Variants in FRMPD2 observed in about 807,000 individuals in gnomAD.
The protein encoded by FRMPD2 is FERM and PDZ domain-containing protein 2.
Under a neutral mutation model 140.1 loss-of-function variants are expected in FRMPD2, and 96 were observed. That is an observed-to-expected ratio of 0.69 (90% CI 0.58 to 0.81). The LOEUF (loss-of-function observed/expected upper bound fraction) is 0.81. FRMPD2 is among the 40% of genes least tolerant of loss of function. The probability of loss-of-function intolerance (pLI) is 0.00; values close to 1 mark genes in which losing one functional copy is unlikely to be tolerated. For missense variants in FRMPD2, 1,240 were observed against 1,447.4 expected (o/e 0.86, Z 2.32); for synonymous variants, 449 against 547.6 (o/e 0.82, Z 2.52).
At chr10:48,266,790 C>A (rs899429187) in intron 1 of FRMPD2, among the ~76,000 whole-genome samples, 12 of 152,248 alleles carry the variant, frequency 7.9e-5, no homozygotes, top group African/African-American at 2.9e-4. Flanking sequence ...TAACAAGATG[C>A]CCCTTGGCCT....
chr10:48,259,681 T>C (rs1199117818), intron 1 of FRMPD2, among the ~76,000 whole-genome samples: 3 of 151,960 alleles, frequency 2.0e-5, no homozygotes, highest in African/African-American at 7.3e-5. Flanking sequence ...TACACATTTT[T>C]TTTTTAATCT....
intron 12 of FRMPD2, among the ~76,000 whole-genome samples, chr10:48,215,610 A>G (rs1839427609): frequency 6.6e-6 from 1 of 152,200 alleles, no homozygotes; most frequent in African/African-American, 2.4e-5. Context: ...TGGCCTTTAC[A>G]TACGTGAGAA....
At chr10:48,221,062 C>T (rs1839574964) in intron 12 of FRMPD2, among the ~76,000 whole-genome samples, 1 of 152,162 alleles carries the variant, frequency 6.6e-6, no homozygotes, top group African/African-American at 2.4e-5. Flanking sequence ...GTAGAACTAC[C>T]ATTTGAACTA....
chr10:48,162,981 G>A (rs1837984093), intron 28 of FRMPD2, among the ~76,000 whole-genome samples: 4 of 144,176 alleles, frequency 2.8e-5, no homozygotes, highest in Admixed American at 1.4e-4. Flanking sequence ...CAATAGAAAC[G>A]AGGATGCATG....
chr10:48,247,827 T>G (rs1270049728), intron 3 of FRMPD2, among the ~76,000 whole-genome samples: 1 of 152,124 alleles, frequency 6.6e-6, no homozygotes, highest in Non-Finnish European at 1.5e-5. Context: ...CAAACAGACC[T>G]GAGAGGCACG....
intron 1 of FRMPD2, among the ~76,000 whole-genome samples, chr10:48,258,982 AAGTCTATTTCT>A (rs1840533412): frequency 6.6e-6 from 1 of 152,202 alleles, no homozygotes; most frequent in Admixed American, 6.5e-5. Context: ...GAAACATGTA[AAGTCTATTTCT>A]GAGCAGACTG....
At chr10:48,223,356 AGT>A in intron 10 of FRMPD2, 86 bp from the exon 11 acceptor site, 1 of 1,346,738 alleles carries the variant, frequency 7.4e-7, no homozygotes, top group Non-Finnish European at 1.0e-6. Flanking sequence ...CCCTACCCAG[AGT>A]GTCACACACG....
chr10:48,195,505 T>C lies in FRMPD2; in HGVS notation c.1955-2611A>G, dbSNP rs1228285243. Among the ~76,000 whole-genome samples the C allele has an allele frequency of 2.6e-5, 4 of 152,278 alleles. No individual in the cohort carries two copies. The South Asian group carries it at 6.2e-4, about 24-fold the overall frequency. The stretch of plus-strand genomic sequence containing the variant: ...AAATGAACAAAGATAAACACGATGA[T>C]ATTTATTCCAACAAGGATGCAACAA... On this transcript the variant is annotated intron_variant, in intron 15 of 28. Transcript: ENST00000374201.
intron 28 of FRMPD2, among the ~76,000 whole-genome samples, chr10:48,160,371 C>G (rs1837903533): frequency 6.6e-6 from 1 of 151,422 alleles, no homozygotes; most frequent in South Asian, 2.1e-4. Context: ...GAAGTTGCCA[C>G]CTGGCAGATG....
chr10:48,180,345 C>G (rs1838513355), intron 21 of FRMPD2, among the ~76,000 whole-genome samples: 1 of 152,096 alleles, frequency 6.6e-6, no homozygotes, highest in Non-Finnish European at 1.5e-5. Flanking sequence ...AAGCACACAG[C>G]CCTCCATACA....
chr10:48,178,264 T>C, intron 21 of FRMPD2, 113 bp from the exon 22 acceptor site: 1 of 755,976 alleles, frequency 1.3e-6, no homozygotes, highest in South Asian at 1.6e-5. Flanking sequence ...TCATGAGCTT[T>C]GGATTGGGCC....
intron 1 of FRMPD2, among the ~76,000 whole-genome samples, chr10:48,252,328 A>T (rs1340485632): frequency 1.3e-5 from 2 of 152,146 alleles, no homozygotes; most frequent in African/African-American, 4.8e-5. Context: ...GGGCCTTTAG[A>T]CCAAAGCTGA....
intron 9 of FRMPD2, 22 bp from the exon 10 acceptor site, chr10:48,232,311 A>G: frequency 6.4e-7 from 1 of 1,561,650 alleles, no homozygotes; most frequent in Non-Finnish European, 8.7e-7. Context: ...AACAGTATCA[A>G]TTATACTACA....
chr10:48,177,246 T>G (rs1231564733), intron 22 of FRMPD2: 1 of 151,878 alleles, frequency 6.6e-6, no homozygotes, highest in Non-Finnish European at 1.5e-5. Flanking sequence ...TAGCTGGGAC[T>G]ACAGGTGCCC....
intron 12 of FRMPD2, among the ~76,000 whole-genome samples, chr10:48,218,547 T>A (rs577889355): frequency 6.6e-6 from 1 of 150,802 alleles, no homozygotes; most frequent in African/African-American, 2.4e-5. Flanking sequence ...GACCATGGGG[T>A]TAGACTCAAG....
chr10:48,263,648 A>T (rs750873120), intron 1 of FRMPD2, among the ~76,000 whole-genome samples: 6 of 152,172 alleles, frequency 3.9e-5, no homozygotes, highest in Non-Finnish European at 7.4e-5. Flanking sequence ...AATTGAATTA[A>T]TAATTAATGG....
intron 14 of FRMPD2, chr10:48,201,658 A>G (rs1368119262): frequency 7.4e-6 from 2 of 269,902 alleles, no homozygotes; most frequent in Non-Finnish European, 1.4e-5. Flanking sequence ...GAAGTGGGTC[A>G]GGTATATTGA....
chr10:48,173,590 C>T (rs1170858660), intron 24 of FRMPD2, among the ~76,000 whole-genome samples: 1 of 152,124 alleles, frequency 6.6e-6, no homozygotes, highest in Non-Finnish European at 1.5e-5. Flanking sequence ...ACCCTGTCTG[C>T]ACCCTTCTTG....
chr10:48,192,141 G>A (rs759133470), intron 16 of FRMPD2, among the ~76,000 whole-genome samples: 5 of 152,140 alleles, frequency 3.3e-5, no homozygotes, highest in Admixed American at 6.5e-5. Context: ...ACCAAAAGAC[G>A]GGAGCATCAT....
Sources: allele counts gnomAD v4.1 joint callset (sites outside exome capture counted in the v4.1 genomes callset), GRCh38; gene constraint gnomAD v4.1.1; transcripts MANE v1.5; gene names NCBI Gene and HGNC (gene_info 2026-07-23, HGNC 2026-07-21).